PDE4A: variants seen among roughly 807,000 people sequenced by gnomAD.
PDE4A encodes phosphodiesterase 4A.
Under a neutral mutation model 73.9 loss-of-function variants are expected in PDE4A, and 21 were observed. The ratio of observed to expected loss-of-function variants is 0.28; its 90% confidence interval spans 0.20 to 0.41. The LOEUF is 0.41. PDE4A is among the 10% of genes least tolerant of loss of function. PDE4A has a pLI of 1.00. For missense variants in PDE4A, 958 were observed against 1,211.4 expected (o/e 0.79, Z 3.10); for synonymous variants, 463 against 505.4 (o/e 0.92, Z 1.13).
At chr19:10,421,276 A>T (rs2042648339) in intron 1 of PDE4A, 192 bp downstream of exon 1, 1 of 985,240 alleles carries the variant, frequency 1.0e-6, no homozygotes. Flanking sequence ...CTTCCTGCTG[A>T]AGCCCATCCT....
At position 10,461,641 on chromosome 19, in the gene PDE4A, G is replaced by C; in HGVS notation, c.1581G>C (p.Lys527Asn). The C allele has an allele frequency of 1.2e-6, 2 of 1,613,178 alleles. No homozygotes were observed. Among genetic ancestry groups the C allele is most frequent in the South Asian group, 2.2e-5 (2 of 91,068 alleles). Reference sequence around the variant, plus strand: ...GCGACATCTTCCAGAACCTCAGCAAGCGCCAGCGGCAGAGCCTACGCAAGA... The same window carrying C: ...GCGACATCTTCCAGAACCTCAGCAACCGCCAGCGGCAGAGCCTACGCAAGA... ...DNCDIFQNLS[K>N]RQRQSLRKMV... Residue 527 changes from lysine to asparagine, a missense_variant, in exon 12 of 15, where the codon AAG (lysine) becomes AAC (asparagine). Physicochemically the swap from Lys to Asn is moderately conservative, Grantham distance 94 (BLOSUM62 0). Transcript: ENST00000380702.
intron 1 of PDE4A, among the ~76,000 whole-genome samples, chr19:10,434,866 C>T (rs2145483990): frequency 6.7e-6 from 1 of 148,756 alleles, no homozygotes; most frequent in Admixed American, 6.7e-5. Context: ...GCTGGGATTA[C>T]AGGCATGAGC....
chr19:10,420,763 C>A lies in PDE4A; in HGVS notation c.-2C>A. ...CCTGGGGCGCAAGTGGGGGCCGGCG[C>A]CATGGAACCCCCGACCGTCCCCTCG... On this transcript the variant is annotated 5_prime_UTR_variant, in exon 1 of 15. Coordinates refer to ENST00000380702, the MANE Select transcript of PDE4A (RefSeq NM_001111307.2). The surrounding 1 kb of genome is among the most constrained non-coding windows in gnomAD (Gnocchi z 6.0). 1 of 1,559,456 alleles carries A rather than the reference C, an allele frequency of 6.4e-7. No homozygotes were observed. The highest frequency in any genetic ancestry group is 1.8e-4 in the Middle Eastern group (1 of 5,694).
chr19:10,430,907 G>A (rs950133810), intron 1 of PDE4A: 3 of 1,495,726 alleles, frequency 2.0e-6, no homozygotes, highest in Admixed American at 2.2e-5. Context: ...TCCCGGTGGC[G>A]GTGGCGGCTG....
intron 14 of PDE4A, among the ~76,000 whole-genome samples, chr19:10,465,636 G>A (rs1292091420): frequency 1.4e-5 from 2 of 138,036 alleles, no homozygotes; most frequent in African/African-American, 2.7e-5. Flanking sequence ...ACTTTATAAC[G>A]TAGTTATGTT....
chr19:10,461,500 C>G (rs1568383782), intron 11 of PDE4A, 26 bp from the exon 12 acceptor site: 5 of 1,611,506 alleles, frequency 3.1e-6, no homozygotes, highest in Non-Finnish European at 4.2e-6. Flanking sequence ...CGTGGGCCCT[C>G]CCCTGACCTC....
chr19:10,443,050 G>A (rs749068866), intron 1 of PDE4A, among the ~76,000 whole-genome samples: 5 of 151,992 alleles, frequency 3.3e-5, no homozygotes, highest in South Asian at 2.1e-4. Context: ...GTGGTGGCAC[G>A]TGCCTATAGT....
chr19:10,456,633 C>G (rs1351542343), intron 7 of PDE4A, among the ~76,000 whole-genome samples: 1 of 152,096 alleles, frequency 6.6e-6, no homozygotes, highest in Non-Finnish European at 1.5e-5. Flanking sequence ...AGGAGGATCA[C>G]TTGAGCCCAG....
chr19:10,456,531 A>AT (rs1223010975), intron 7 of PDE4A, among the ~76,000 whole-genome samples: 53 of 151,536 alleles, frequency 3.5e-4, no homozygotes, highest in South Asian at 1.7e-3. Context: ...ATCTCAAAAA[A>AT]AAAATAAATA....
chr19:10,447,113 G>T (rs1388626425), intron 2 of PDE4A, among the ~76,000 whole-genome samples: 2 of 144,914 alleles, frequency 1.4e-5, no homozygotes, highest in African/African-American at 5.2e-5. Context: ...TGTTAGCCAG[G>T]ATGGTCTCGA....
Position 10,467,185 on chromosome 19 carries a change from T to A in PDE4A, c.2225T>A (p.Val742Asp), listed in dbSNP as rs2043390168. The A allele has an allele frequency of 6.2e-7, 1 of 1,613,246 alleles. No individual in the cohort carries two copies. The highest frequency in any genetic ancestry group is 2.2e-5 in the East Asian group (1 of 44,792). Residue 742 changes from valine to aspartate, a missense_variant, in exon 15 of 15, where the codon GTC becomes GAC. Transcript: ENST00000380702. Reference sequence around the variant, plus strand: ...TTGACTGCGCAGGGATTGTCAGGAGTCGAGGAAGCTCTGGATGCAACCATA... The same window carrying A: ...TTGACTGCGCAGGGATTGTCAGGAGACGAGGAAGCTCTGGATGCAACCATA... ...EALTAQGLSG[V>D]EEALDATIAW...
intron 1 of PDE4A, among the ~76,000 whole-genome samples, chr19:10,430,192 G>A (rs917081118): frequency 1.3e-5 from 2 of 152,028 alleles, no homozygotes; most frequent in African/African-American, 4.8e-5. Context: ...GAGCACCACT[G>A]GCAGGGAGTT....
At position 10,467,631 on chromosome 19, in the gene PDE4A, C is replaced by T; in HGVS notation, c.*10C>T. On this transcript the variant is annotated 3_prime_UTR_variant, in exon 15 of 15. Coordinates refer to ENST00000380702, the MANE Select transcript of PDE4A (RefSeq NM_001111307.2). ...TGGAGACCCTACCTGATCCCCAGAC[C>T]TCTGTCCCTGTTCCCCTCCACTCCT... The T allele has an allele frequency of 3.3e-6, 5 of 1,535,958 alleles. No homozygotes were observed. Among genetic ancestry groups the T allele is most frequent in the Non-Finnish European group, 4.4e-6 (5 of 1,139,820 alleles).
rs1456325994 is a variant in PDE4A, at chr19:10,469,161, A to G, written c.*1540A>G. 4 of 152,096 alleles carry G rather than the reference A, an allele frequency of 2.6e-5. No homozygotes were observed. Among genetic ancestry groups the G allele is most frequent in the Non-Finnish European group, 5.9e-5 (4 of 67,998 alleles). The allele number at this position is 152,096 out of a possible 1,614,324, so 9.4% of individuals were successfully genotyped here. Reference sequence around the variant, plus strand: ...GTGGGCCTTTTCTTTCTTTTTGTTCATTCTTTACCTTTTTTTCTTTTCTTT... The same window carrying G: ...GTGGGCCTTTTCTTTCTTTTTGTTCGTTCTTTACCTTTTTTTCTTTTCTTT... On this transcript the variant is annotated 3_prime_UTR_variant, in exon 15 of 15. Transcript: ENST00000380702.
At chr19:10,438,183 G>C (rs956949868) in intron 1 of PDE4A, among the ~76,000 whole-genome samples, 2 of 151,662 alleles carry the variant, frequency 1.3e-5, no homozygotes, top group African/African-American at 4.8e-5. Flanking sequence ...CGCAATCTCG[G>C]CTCACTGCAA....
At chr19:10,433,489 C>T (rs1405434861) in intron 1 of PDE4A, among the ~76,000 whole-genome samples, 1 of 152,170 alleles carries the variant, frequency 6.6e-6, no homozygotes, top group Admixed American at 6.5e-5. Context: ...CAGGGACTGT[C>T]ACAGTATCAG....
Position 10,452,020 on chromosome 19 carries a change from GGTGTGTGTGT to G in PDE4A, c.783+1112_783+1121del, listed in dbSNP as rs58194674. 7.1e-3 allele frequency among the ~76,000 whole-genome samples: 994 copies of G among 140,188 alleles called. 17 individuals carry two copies. The highest frequency in any genetic ancestry group is 0.039 in the East Asian group (183 of 4,692). The allele number at this position is 140,188 out of a possible 152,430, so 92.0% of individuals were successfully genotyped here. A position where few individuals can be genotyped will look rare whatever the true frequency, so the allele number is the denominator to read the frequency against. On this transcript the variant is annotated intron_variant, in intron 6 of 14. Transcript: ENST00000380702. ...ATGGGTCTGAGGATGTTTCTGCAAT[GGTGTGTGTGT>G]GTGTGTGTGTGTGTGTGTGTGTGTG...
rs776885244 is a variant in PDE4A at position 10,450,921 on chromosome 19, A to G, written c.763A>G (p.Ser255Gly). 6 of 1,605,574 alleles carry G rather than the reference A, an allele frequency of 3.7e-6. No homozygotes were observed. The highest frequency in any genetic ancestry group is 4.3e-6 in the Non-Finnish European group (5 of 1,176,356). The change falls in exon 6 of 15, where the codon AGC becomes GGC. Residue 255 changes from serine (S) to glycine (G), a missense_variant. Physicochemically the swap from Ser to Gly is moderately conservative, Grantham distance 56. Coordinates refer to ENST00000380702, the MANE Select transcript of PDE4A (RefSeq NM_001111307.2). ...GACCATGCAGACCTATCGCTCTGTC[A>G]GCGAGATGGCCTCGCACAAGGTGTG... ...LETMQTYRSV[S>G]EMASHKFKRM...
upstream of PDE4A, chr19:10,418,971 G>C (rs1162423238): frequency 1.0e-6 from 1 of 985,082 alleles, no homozygotes; most frequent in Non-Finnish European, 1.2e-6. Flanking sequence ...CTGATGGGGG[G>C]GCCGGTTTTT....
Sources: gnomAD v4.1 joint callset for allele counts (sites outside exome capture counted in the v4.1 genomes callset) on GRCh38, gnomAD v4.1.1 for gene constraint, Gnocchi (gnomAD v3.1) non-coding constraint, MANE v1.5 for transcripts, NCBI Gene and HGNC (gene_info 2026-07-23, HGNC 2026-07-21) for gene names.